Variants in KIF26B observed in about 807,000 individuals in gnomAD.
KIF26B encodes the protein kinesin family member 26B.
In KIF26B, 63 loss-of-function variants were observed where a neutral mutation model predicts 151.2. The ratio of observed to expected loss-of-function variants is 0.42; its 90% confidence interval spans 0.34 to 0.51. The LOEUF is 0.51. Ranked by LOEUF, KIF26B falls within the 20% of genes least tolerant of loss-of-function variation. KIF26B has a pLI of 0.07. For missense variants in KIF26B, 2,813 were observed against 2,913.6 expected, an observed-to-expected ratio of 0.97 and a Z score of 0.79; for synonymous variants, 1,357 against 1,262.1, an observed-to-expected ratio of 1.08 and a Z score of -1.59.
intron 5 of KIF26B, among the ~76,000 whole-genome samples, chr1:245,580,208 C>A (rs769214235): frequency 3.9e-5 from 6 of 152,242 alleles, no homozygotes; most frequent in Non-Finnish European, 7.3e-5. Context: ...CCAATATTTC[C>A]TATCCATTTG....
intron 9 of KIF26B, among the ~76,000 whole-genome samples, chr1:245,642,683 G>A (rs893416608): frequency 6.6e-6 from 1 of 152,126 alleles, no homozygotes; most frequent in Non-Finnish European, 1.5e-5. Flanking sequence ...CTATCAGCAG[G>A]AGGAGCTGGA....
In KIF26B at chr1:245,269,332, T is replaced by A. The variant is rs140210017; in HGVS notation, c.466-97502T>A. On this transcript the variant is annotated intron_variant, in intron 2 of 14. Transcript: ENST00000407071. ...TGGCTGCCACCATTCTACTTTCTGC[T>A]GCTTTGATTTTGACTACATTAGCTA... Among the ~76,000 whole-genome samples, 470 of 148,308 alleles carry A rather than the reference T, an allele frequency of 3.2e-3. 1 individual carries two copies. The highest frequency in any genetic ancestry group is 0.011 in the African/African-American group (450 of 40,332).
At chr1:245,233,686 A>G (rs927085775) in intron 2 of KIF26B, among the ~76,000 whole-genome samples, 2 of 152,174 alleles carry the variant, frequency 1.3e-5, no homozygotes, top group African/African-American at 4.8e-5. Context: ...CACATATTCC[A>G]AATCTCATGT....
Position 245,678,163 on chromosome 1 carries a change from G to A in KIF26B, c.2259-6070G>A, listed in dbSNP as rs553011783. Among the ~76,000 whole-genome samples the A allele has an allele frequency of 5.9e-5, 9 of 152,260 alleles. No individual in the cohort carries two copies. In the East Asian group the frequency reaches 1.2e-3, roughly 20 times the overall value. ...TGAGGAGGATATTTGAACAGTCAGC[G>A]TGTATTTCAAAGCCGTGGTTCTGTC... On this transcript the variant is annotated intron_variant, in intron 10 of 14. Coordinates refer to ENST00000407071, the MANE Select transcript of KIF26B (RefSeq NM_018012.4).
intron 2 of KIF26B, among the ~76,000 whole-genome samples, chr1:245,349,005 G>C (rs1435158580): frequency 6.6e-6 from 1 of 152,152 alleles, no homozygotes; most frequent in African/African-American, 2.4e-5. Context: ...CTGCCTTACT[G>C]TTCTCCATAG....
At chr1:245,216,717 C>A (rs1185212224) in intron 2 of KIF26B, among the ~76,000 whole-genome samples, 1 of 152,160 alleles carries the variant, frequency 6.6e-6, no homozygotes, top group Non-Finnish European at 1.5e-5. Flanking sequence ...ATAGGCATCA[C>A]CCGGCTCTGC....
intron 4 of KIF26B, among the ~76,000 whole-genome samples, chr1:245,501,655 A>G (rs1344864430): frequency 6.6e-6 from 1 of 152,244 alleles, no homozygotes; most frequent in Non-Finnish European, 1.5e-5. Context: ...CTAGTGTGGT[A>G]GTAGGAATTC....
intron 4 of KIF26B, among the ~76,000 whole-genome samples, chr1:245,510,576 T>TTCTCTCTCTCTCTCTC (rs4021193): frequency 2.8e-4 from 37 of 134,104 alleles, no homozygotes; most frequent in African/African-American, 1.1e-3. Flanking sequence ...TTAGCAGAGC[T>TTCTCTCTCTCTCTCTC]TCTCTCTCTC....
At chr1:245,670,245 CATATATATATATATATATATAT>C (rs10584392) in intron 10 of KIF26B, among the ~76,000 whole-genome samples, 6 of 134,754 alleles carry the variant, frequency 4.5e-5, no homozygotes, top group South Asian at 2.5e-4. Flanking sequence ...TGTGTATATC[CATATATATATATATATATATAT>C]ATATATATAT....
At chr1:245,261,116 T>C (rs1201704967) in intron 2 of KIF26B, among the ~76,000 whole-genome samples, 1 of 147,874 alleles carries the variant, frequency 6.8e-6, no homozygotes, top group Non-Finnish European at 1.5e-5. Flanking sequence ...CCTTCCTCCG[T>C]TCCTTCCTTC....
intron 2 of KIF26B, among the ~76,000 whole-genome samples, chr1:245,195,851 C>T (rs1045619545): frequency 1.3e-5 from 2 of 152,160 alleles, no homozygotes; most frequent in African/African-American, 4.8e-5. Context: ...AGGGTGTGCT[C>T]GGAACCATTT....
intron 10 of KIF26B, among the ~76,000 whole-genome samples, chr1:245,647,145 G>C (rs2043956408): frequency 6.6e-6 from 1 of 152,188 alleles, no homozygotes; most frequent in African/African-American, 2.4e-5. Flanking sequence ...TTTATTGTAG[G>C]CTGGGTGCGG....
intron 2 of KIF26B, among the ~76,000 whole-genome samples, chr1:245,302,178 C>G (rs1277473768): frequency 6.6e-6 from 1 of 152,218 alleles, no homozygotes; most frequent in Non-Finnish European, 1.5e-5. Flanking sequence ...TGACATCAGT[C>G]TATTTGCTGC....
rs749024522 is a variant in KIF26B, at chr1:245,227,133, A to G, written c.465+70450A>G. Among the ~76,000 whole-genome samples the G allele has an allele frequency of 1.2e-4, 19 of 152,076 alleles. No individual in the cohort carries two copies. The highest frequency in any genetic ancestry group is 1.9e-4 in the Non-Finnish European group (13 of 68,006). ...GAGGAACAGCTCCCTTTTCAGTACC[A>G]GGTGACATTATTACCCAGATCCAGT... is the stretch of plus-strand genomic sequence containing the variant. On this transcript the variant is annotated intron_variant, in intron 2 of 14. Coordinates refer to ENST00000407071, the MANE Select transcript of KIF26B (RefSeq NM_018012.4). The surrounding 1 kb of genome is among the most constrained non-coding windows in gnomAD (Gnocchi z 4.1).
At chr1:245,388,646 G>A (rs1296044933) in intron 3 of KIF26B, among the ~76,000 whole-genome samples, 2 of 149,856 alleles carry the variant, frequency 1.3e-5, no homozygotes, top group Non-Finnish European at 3.0e-5. Context: ...TGGAAAGGTG[G>A]TGCCTAAACT....
intron 4 of KIF26B, among the ~76,000 whole-genome samples, chr1:245,469,538 A>G (rs922449986): frequency 1.3e-5 from 2 of 152,132 alleles, no homozygotes; most frequent in African/African-American, 2.4e-5. Context: ...CTATAGTGAG[A>G]GCTATCCTGG....
At chr1:245,412,838 AATGGTGCACGGAATTCTC>A (rs1457483545) in intron 3 of KIF26B, among the ~76,000 whole-genome samples, 4 of 152,208 alleles carry the variant, frequency 2.6e-5, no homozygotes, top group African/African-American at 9.6e-5. Context: ...ACTGCTCGTT[AATGGTGCACGGAATTCTC>A]ATGGACGTTG....
At chr1:245,314,953 G>T (rs1188070564) in intron 2 of KIF26B, among the ~76,000 whole-genome samples, 1 of 152,164 alleles carries the variant, frequency 6.6e-6, no homozygotes, top group South Asian at 2.1e-4. Flanking sequence ...GGCCGAGGCG[G>T]GTGGATCACC....
At chr1:245,219,738 A>G (rs1669726057) in intron 2 of KIF26B, among the ~76,000 whole-genome samples, 1 of 151,878 alleles carries the variant, frequency 6.6e-6, no homozygotes. Flanking sequence ...TGTCCCCTCC[A>G]CCCCAAAAAA....
Sources: allele counts gnomAD v4.1 joint callset (sites outside exome capture counted in the v4.1 genomes callset), GRCh38; gene constraint gnomAD v4.1.1; non-coding constraint Gnocchi (gnomAD v3.1); transcripts MANE v1.5; gene names NCBI Gene and HGNC (gene_info 2026-07-23, HGNC 2026-07-21).